ROBO2: variants seen among roughly 807,000 people sequenced by gnomAD.
ROBO2 encodes the protein roundabout homolog 2.
ROBO2 carries 53 observed loss-of-function variants against 160.8 expected under a neutral mutation model. That is an observed-to-expected ratio of 0.33 (90% CI 0.26 to 0.41). ROBO2 has a LOEUF of 0.41. Ranked by LOEUF, ROBO2 falls within the 10% of genes least tolerant of loss-of-function variation. The pLI is 1.00. For missense variants in ROBO2, 1,577 were observed against 1,722.4 expected, an observed-to-expected ratio of 0.92 and a Z score of 1.49; for synonymous variants, 664 against 611.7, an observed-to-expected ratio of 1.09 and a Z score of -1.26.
At chr3:76,398,745 T>C (rs150123231) in intron 2 of ROBO2, among the ~76,000 whole-genome samples, 2 of 151,992 alleles carry the variant, frequency 1.3e-5, no homozygotes, top group African/African-American at 4.8e-5. Context: ...GTTTAGTATA[T>C]TCTATTGGTT....
At chr3:77,113,524 A>T (rs1440834857) in intron 2 of ROBO2, among the ~76,000 whole-genome samples, 1 of 152,210 alleles carries the variant, frequency 6.6e-6, no homozygotes, top group South Asian at 2.1e-4. Flanking sequence ...CTTTCCTGAC[A>T]CATTATAAGG....
chr3:76,333,890 G>C (rs2073679107), intron 2 of ROBO2, among the ~76,000 whole-genome samples: 1 of 152,064 alleles, frequency 6.6e-6, no homozygotes, highest in African/African-American at 2.4e-5. Context: ...ACTATCGCAA[G>C]GACAAAAAAC....
chr3:76,606,201 G>C (rs927570094), intron 2 of ROBO2, among the ~76,000 whole-genome samples: 1 of 152,224 alleles, frequency 6.6e-6, no homozygotes, highest in East Asian at 1.9e-4. Flanking sequence ...TCTTTGCACT[G>C]TGTTACCTAA....
intron 2 of ROBO2, among the ~76,000 whole-genome samples, chr3:76,112,918 TATA>T (rs1348125740): frequency 6.6e-6 from 1 of 152,102 alleles, no homozygotes; most frequent in Admixed American, 6.6e-5. Flanking sequence ...TTCTAAATGA[TATA>T]ATACTTTAAA....
chr3:76,427,280 G>T (rs981441632), intron 2 of ROBO2, among the ~76,000 whole-genome samples: 5 of 151,778 alleles, frequency 3.3e-5, no homozygotes, highest in African/African-American at 1.2e-4. Flanking sequence ...AAAACCACTC[G>T]CTTGCAACTG....
At chr3:76,399,711 G>A (rs984527350) in intron 2 of ROBO2, among the ~76,000 whole-genome samples, 18 of 151,594 alleles carry the variant, frequency 1.2e-4, no homozygotes, top group African/African-American at 3.6e-4. Context: ...AAAGAATAAG[G>A]GATAGAATAC....
intron 2 of ROBO2, among the ~76,000 whole-genome samples, chr3:76,728,706 C>T (rs370350521): frequency 6.6e-6 from 1 of 152,188 alleles, no homozygotes; most frequent in South Asian, 2.1e-4. Context: ...CTGCAACCTA[C>T]AGTCCAGTCA....
intron 2 of ROBO2, among the ~76,000 whole-genome samples, chr3:76,633,380 G>A (rs1208505861): frequency 6.6e-6 from 1 of 152,098 alleles, no homozygotes; most frequent in Non-Finnish European, 1.5e-5. Context: ...TGTGAGTCAA[G>A]GTCAAAAGAG....
chr3:77,023,351 G>C (rs995993039), intron 2 of ROBO2, among the ~76,000 whole-genome samples: 10 of 152,082 alleles, frequency 6.6e-5, no homozygotes, highest in Non-Finnish European at 1.3e-4. Flanking sequence ...CCAGTCTTGG[G>C]TATGTTTTTA....
chr3:76,516,109 A>G (rs148115248), intron 2 of ROBO2, among the ~76,000 whole-genome samples: 1 of 152,294 alleles, frequency 6.6e-6, no homozygotes, highest in East Asian at 1.9e-4. Context: ...TGACATCCCT[A>G]AAAGTCAAAA....
At chr3:77,498,996 AAAAAGTGTAAAT>A (rs2087169521) in intron 5 of ROBO2, among the ~76,000 whole-genome samples, 1 of 152,244 alleles carries the variant, frequency 6.6e-6, no homozygotes, top group Non-Finnish European at 1.5e-5. Context: ...AAATTTAAAG[AAAAAGTGTAAAT>A]GAAAAATCTT....
At chr3:76,855,632 G>A (rs761817845) in intron 2 of ROBO2, among the ~76,000 whole-genome samples, 39 of 152,098 alleles carry the variant, frequency 2.6e-4, no homozygotes, top group Non-Finnish European at 5.7e-4. Context: ...CCTTCTAACA[G>A]CAGGTGAAAG....
At chr3:77,540,259 T>G (rs2153642949) in intron 6 of ROBO2, among the ~76,000 whole-genome samples, 1 of 152,316 alleles carries the variant, frequency 6.6e-6, no homozygotes, top group African/African-American at 2.4e-5. Flanking sequence ...AAACGTAATG[T>G]TATTATTTTG....
chr3:75,932,101 A>AG (rs1387482810), intron 1 of ROBO2, among the ~76,000 whole-genome samples: 1 of 152,174 alleles, frequency 6.6e-6, no homozygotes, highest in African/African-American at 2.4e-5. Context: ...TTCACTTGAG[A>AG]GGGTATCAGT....
intron 2 of ROBO2, chr3:76,434,346 G>T (rs879154109): frequency 3.0e-6 from 4 of 1,314,560 alleles, no homozygotes; most frequent in South Asian, 2.4e-5. Context: ...GAAGTGATAA[G>T]CTTTCGGGAG....
chr3:76,569,137 A>G (rs2084796440), intron 2 of ROBO2, among the ~76,000 whole-genome samples: 2 of 152,182 alleles, frequency 1.3e-5, no homozygotes, highest in Admixed American at 6.5e-5. Flanking sequence ...TTCTAACATC[A>G]TAAGTTAAAC....
chr3:76,439,091 C>A (rs2076808932), intron 2 of ROBO2, among the ~76,000 whole-genome samples: 1 of 151,876 alleles, frequency 6.6e-6, no homozygotes, highest in African/African-American at 2.4e-5. Flanking sequence ...AGAAATAGAA[C>A]AAGTAACTAG....
chr3:76,836,606 C>T (rs1379042948), intron 2 of ROBO2, among the ~76,000 whole-genome samples: 2 of 151,588 alleles, frequency 1.3e-5, no homozygotes, highest in Non-Finnish European at 3.0e-5. Context: ...CAAATACTTT[C>T]TAATTTCTCT....
intron 2 of ROBO2, among the ~76,000 whole-genome samples, chr3:76,799,539 A>C (rs2108834723): frequency 6.6e-6 from 1 of 152,202 alleles, no homozygotes; most frequent in African/African-American, 2.4e-5. Flanking sequence ...CAGGATACAA[A>C]ATTAACATAC....
Sources: gnomAD v4.1 joint callset for allele counts (sites outside exome capture counted in the v4.1 genomes callset) on GRCh38, gnomAD v4.1.1 for gene constraint, MANE v1.5 for transcripts, NCBI Gene and HGNC (gene_info 2026-07-23, HGNC 2026-07-21) for gene names.